The following RUNX1T1 variants were observed in gnomAD, a reference collection of about 807,000 sequenced individuals.
RUNX1T1 encodes the protein protein CBFA2T1.
RUNX1T1 carries 4 observed loss-of-function variants against 62.8 expected under a neutral mutation model. The observed-to-expected ratio is 0.06, with a 90% CI of 0.03 to 0.15. The LOEUF (loss-of-function observed/expected upper bound fraction) is 0.15, where lower values mean the gene tolerates loss of function less well. Ranked by LOEUF, RUNX1T1 falls within the 10% of genes least tolerant of loss-of-function variation. The pLI, the probability that RUNX1T1 is intolerant of heterozygous loss-of-function variation, is 1.00. For synonymous variants in RUNX1T1, 291 were observed against 286.0 expected (o/e 1.02, Z -0.18); for missense variants, 508 against 754.3 (o/e 0.67, Z 3.82).
chr8:92,093,739 A>G (rs1837379739), intron 1 of RUNX1T1, among the ~76,000 whole-genome samples: 1 of 152,236 alleles, frequency 6.6e-6, no homozygotes, highest in African/African-American at 2.4e-5. Context: ...CTCATGCAAC[A>G]AACTGGTCAC....
At chr8:92,073,449 ACT>A (rs1181174900) in intron 2 of RUNX1T1, among the ~76,000 whole-genome samples, 1 of 151,420 alleles carries the variant, frequency 6.6e-6, no homozygotes, top group Non-Finnish European at 1.5e-5. Context: ...CGCAGACCAG[ACT>A]CTCTGGCGCC....
At chr8:91,960,969 T>C (rs74484812) in intron 10 of RUNX1T1, among the ~76,000 whole-genome samples, 3,213 of 152,332 alleles carry the variant, frequency 0.021, 122 homozygotes, top group African/African-American at 0.072. Context: ...CAGAACCATA[T>C]CTATATTGGA....
chr8:91,972,240 T>C (rs1176394257), intron 9 of RUNX1T1, among the ~76,000 whole-genome samples: 1 of 152,180 alleles, frequency 6.6e-6, no homozygotes, highest in Non-Finnish European at 1.5e-5. Context: ...CACACATCTA[T>C]TGTCCATGAC....
At chr8:92,021,330 G>A (rs1304917000) in intron 1 of RUNX1T1, among the ~76,000 whole-genome samples, 1 of 152,140 alleles carries the variant, frequency 6.6e-6, no homozygotes, top group East Asian at 1.9e-4. Flanking sequence ...ATGATGCTAT[G>A]TAGTGACTCC....
In RUNX1T1 at chr8:92,081,540, T is replaced by G. The variant is rs563542632; in HGVS notation, c.-85-5403A>C. Among the ~76,000 whole-genome samples, 7 of 150,978 alleles carry G rather than the reference T, an allele frequency of 4.6e-5. 1 individual carries two copies. The South Asian group carries it at 1.2e-3, about 27-fold the overall frequency. Reference sequence around the variant, plus strand: ...AACATAAACTGATGTTTGGTAGTTTTTTTTTTTTTTTTTAAATCTAATTTC... The same window carrying G: ...AACATAAACTGATGTTTGGTAGTTTGTTTTTTTTTTTTTAAATCTAATTTC... On this transcript the variant is annotated intron_variant, in intron 1 of 11. Transcript: ENST00000265814.
intron 1 of RUNX1T1, among the ~76,000 whole-genome samples, chr8:92,058,564 C>T (rs1831410276): frequency 6.6e-6 from 1 of 152,116 alleles, no homozygotes; most frequent in African/African-American, 2.4e-5. Flanking sequence ...ACAAACAGCA[C>T]AGTTAAGAAA....
At chr8:92,044,107 G>C (rs1037491754) in intron 1 of RUNX1T1, among the ~76,000 whole-genome samples, 64 of 152,000 alleles carry the variant, frequency 4.2e-4, no homozygotes, top group African/African-American at 1.5e-3. Flanking sequence ...ATAGATGTAT[G>C]GATAGACAGA....
At chr8:92,093,814 T>A (rs1364434160) in intron 1 of RUNX1T1, among the ~76,000 whole-genome samples, 1 of 152,310 alleles carries the variant, frequency 6.6e-6, no homozygotes, top group East Asian at 1.9e-4. Flanking sequence ...AAAATGGATA[T>A]CCTTCTATAT....
At chr8:92,081,375 A>ACT (rs1835233772) in intron 1 of RUNX1T1, 2 of 303,598 alleles carry the variant, frequency 6.6e-6, no homozygotes, top group African/African-American at 2.3e-5. Flanking sequence ...AAATATCAGT[A>ACT]CAATCATAAT....
chr8:91,983,184 C>T (rs1047165402), intron 8 of RUNX1T1, among the ~76,000 whole-genome samples: 10 of 151,828 alleles, frequency 6.6e-5, no homozygotes, highest in Admixed American at 3.3e-4. Flanking sequence ...CCGTCTGCCT[C>T]GGCCTCCCAA....
upstream of RUNX1T1, chr8:92,103,148 C>A (rs371392507): frequency 1.5e-4 from 57 of 379,542 alleles, no homozygotes; most frequent in East Asian, 5.4e-4. Context: ...CCAAGACTTG[C>A]GGAGCTCTGC....
At chr8:92,017,258 G>A in exon 2 of RUNX1T1, 4 of 1,613,906 alleles carry the variant, frequency 2.5e-6, no homozygotes, top group South Asian at 1.1e-5. Context: ...GGTTCTTGGA[G>A]CTCCTTGAGT....
intron 5 of RUNX1T1, among the ~76,000 whole-genome samples, chr8:91,998,838 G>A (rs1241230847): frequency 1.3e-5 from 2 of 152,074 alleles, no homozygotes; most frequent in African/African-American, 4.8e-5. Flanking sequence ...ACAGCATTTG[G>A]TTCCTGGGCT....
intron 1 of RUNX1T1, among the ~76,000 whole-genome samples, chr8:92,091,069 T>C (rs968249883): frequency 6.6e-6 from 1 of 152,136 alleles, no homozygotes; most frequent in Non-Finnish European, 1.5e-5. Context: ...GTTAAAAGAT[T>C]AATGAACCCA....
At chr8:91,970,394 T>C (rs1812575934) in intron 10 of RUNX1T1, among the ~76,000 whole-genome samples, 1 of 152,178 alleles carries the variant, frequency 6.6e-6, no homozygotes, top group African/African-American at 2.4e-5. Context: ...TATGAGTCTC[T>C]AAATAATGCT....
Position 92,095,108 on chromosome 8 carries a change from A to G in RUNX1T1, c.-86+4472T>C, listed in dbSNP as rs1056279696. ...GGTAGATGCCTCCTCCTCACCCCACACAACAAAAGGCAGATTTCTCTTTCT... is the reference window on the plus strand; with the variant it reads ...GGTAGATGCCTCCTCCTCACCCCACGCAACAAAAGGCAGATTTCTCTTTCT... On this transcript the variant is annotated intron_variant, in intron 1 of 11. Transcript: ENST00000265814. The G allele has an allele frequency of 5.2e-6, 8 of 1,535,532 alleles. No homozygotes were observed. The African/African-American group carries it at 1.1e-4, about 21-fold the overall frequency.
At chr8:91,980,070 G>T in intron 8 of RUNX1T1, 1 of 229,450 alleles carries the variant, frequency 4.4e-6, no homozygotes, top group South Asian at 5.8e-5. Flanking sequence ...CTTCACACTA[G>T]GTTTCAGAAG....
At chr8:91,964,966 A>G (rs1029681801) in intron 10 of RUNX1T1, among the ~76,000 whole-genome samples, 1 of 152,228 alleles carries the variant, frequency 6.6e-6, no homozygotes, top group Admixed American at 6.5e-5. Flanking sequence ...AGCAGGAATA[A>G]TAACTGCAGG....
At chr8:92,084,104 G>C (rs573334030) in intron 1 of RUNX1T1, among the ~76,000 whole-genome samples, 1 of 152,008 alleles carries the variant, frequency 6.6e-6, no homozygotes, top group South Asian at 2.1e-4. Context: ...TGTCGGGGTG[G>C]GGGGCTAAGG....
Sources: allele counts gnomAD v4.1 joint callset (sites outside exome capture counted in the v4.1 genomes callset), GRCh38; gene constraint gnomAD v4.1.1; transcripts MANE v1.5; gene names NCBI Gene and HGNC (gene_info 2026-07-23, HGNC 2026-07-21).